Variants in OSBPL10 observed in about 807,000 individuals in gnomAD.
The protein encoded by OSBPL10 is oxysterol binding protein like 10, also known as oxysterol-binding protein-related protein 10.
A neutral mutation model predicts 81.7 loss-of-function variants in OSBPL10; 49 were observed. The observed-to-expected ratio is 0.60, with a 90% CI of 0.48 to 0.76. The LOEUF is 0.76. Ranked by LOEUF, OSBPL10 falls within the 30% of genes least tolerant of loss-of-function variation. OSBPL10 has a pLI of 0.00. For synonymous variants in OSBPL10, 419 were observed against 383.6 expected, an observed-to-expected ratio of 1.09 and a Z score of -1.08; for missense variants, 923 against 987.8, an observed-to-expected ratio of 0.93 and a Z score of 0.88.
rs1700725625 is a variant in OSBPL10, at chr3:31,683,950, G to C, written c.1410C>G (p.Arg470=). ...AGGGCTTCTTGGCTAAAGCGCCCTT[G>C]CGGCCCTCGTGAAAGGCTGTGAGAT... ...EYYLTAFHEG[R]KGALAKKPYN... is the part of the protein sequence containing the mutation. Residue 470 remains arginine, a synonymous_variant, in exon 8 of 12, where the codon CGC becomes CGG. Transcript: ENST00000396556. 6.2e-7 allele frequency: 1 copy of C among 1,614,132 alleles called. No individual in the cohort carries two copies.
chr3:31,870,533 C>T (rs532108717), intron 3 of OSBPL10, among the ~76,000 whole-genome samples: 37 of 152,388 alleles, frequency 2.4e-4, no homozygotes, highest in African/African-American at 8.7e-4. Flanking sequence ...GCAGCTCCAC[C>T]TGCAGCCCCG....
intron 4 of OSBPL10, among the ~76,000 whole-genome samples, chr3:31,752,810 C>A (rs1326652056): frequency 6.6e-6 from 1 of 152,190 alleles, no homozygotes; most frequent in Non-Finnish European, 1.5e-5. Flanking sequence ...CTGCAAAGTC[C>A]AATCCTGATG....
chr3:32,072,773 C>A (rs1419858619), intron 1 of OSBPL10, among the ~76,000 whole-genome samples: 1 of 152,152 alleles, frequency 6.6e-6, no homozygotes, highest in Non-Finnish European at 1.5e-5. Context: ...AACTAAAATA[C>A]CTCTTGGTCT....
At chr3:32,071,596 A>G (rs4955232) in intron 1 of OSBPL10, among the ~76,000 whole-genome samples, 124,762 of 150,370 alleles carry the variant, frequency 0.83, 53,220 homozygotes, top group East Asian at 1. Flanking sequence ...TCATGTCTCC[A>G]TGCGGCGGCT....
In OSBPL10 at chr3:31,683,670, T is replaced by A. The variant is rs780213223; in HGVS notation, c.1690A>T (p.Met564Leu). 4.2e-5 allele frequency: 67 copies of A among 1,613,730 alleles called. No homozygotes were observed. Among genetic ancestry groups the A allele is most frequent in the Non-Finnish European group, 5.3e-5 (63 of 1,179,758 alleles). Residue 564 changes from methionine (M) to leucine (L), a missense_variant, in exon 8 of 12, where the codon ATG (methionine) becomes TTG (leucine). Physicochemically the swap from Met to Leu is conservative, Grantham distance 15. This residue lies in a region of OSBPL10 where 387 missense variants were observed against 436.3 expected (regional missense o/e 0.89). Coordinates refer to ENST00000396556, the MANE Select transcript of OSBPL10 (RefSeq NM_017784.5). ...NTHVWTKSKF[M>L]GMSVGVSMIG... ...ATAGAGACCCCCACGGACATGCCCA[T>A]GAACTTGCTTTTGGTCCATACATGA...
At chr3:31,697,483 AATTAGTAATT>A (rs1695761394) in intron 7 of OSBPL10, among the ~76,000 whole-genome samples, 1 of 152,252 alleles carries the variant, frequency 6.6e-6, no homozygotes, top group South Asian at 2.1e-4. Flanking sequence ...AACAAATGGC[AATTAGTAATT>A]ATTATTCTAG....
At chr3:31,810,815 TC>T (rs1699661573) in intron 4 of OSBPL10, among the ~76,000 whole-genome samples, 1 of 152,190 alleles carries the variant, frequency 6.6e-6, no homozygotes, top group African/African-American at 2.4e-5. Flanking sequence ...AAACTGGCAC[TC>T]CCTAACATCA....
intron 6 of OSBPL10, among the ~76,000 whole-genome samples, chr3:31,713,688 C>T (rs1360662218): frequency 6.6e-6 from 1 of 152,162 alleles, no homozygotes; most frequent in Non-Finnish European, 1.5e-5. Flanking sequence ...TGAGCCACCG[C>T]ACCCAGCCTC....
rs114203737 is a variant in OSBPL10, at chr3:31,832,639, A to G, written c.538-2408T>C. On this transcript the variant is annotated intron_variant, in intron 3 of 11. Transcript: ENST00000396556. Reference sequence around the variant, plus strand: ...TATACAGAGACAGACGGAGGGAAACATACACAGATGCACACTTACAAGATG... The same window carrying G: ...TATACAGAGACAGACGGAGGGAAACGTACACAGATGCACACTTACAAGATG... Among the ~76,000 whole-genome samples the G allele has an allele frequency of 6.6e-3, 1,007 of 152,320 alleles. 12 individuals carry two copies. The highest frequency in any genetic ancestry group is 0.012 in the Admixed American group (188 of 15,296).
At chr3:31,788,460 G>C (rs1698916360) in intron 4 of OSBPL10, among the ~76,000 whole-genome samples, 1 of 152,096 alleles carries the variant, frequency 6.6e-6, no homozygotes, top group Non-Finnish European at 1.5e-5. Context: ...TCTTGATCTT[G>C]TTTTACAAAT....
At chr3:31,719,581 C>T (rs1352189627) in intron 6 of OSBPL10, among the ~76,000 whole-genome samples, 1 of 152,100 alleles carries the variant, frequency 6.6e-6, no homozygotes, top group Non-Finnish European at 1.5e-5. Context: ...TTAATGGTGA[C>T]AGACAGGATA....
At chr3:31,847,078 T>C (rs1303660588) in intron 3 of OSBPL10, among the ~76,000 whole-genome samples, 1 of 152,134 alleles carries the variant, frequency 6.6e-6, no homozygotes, top group East Asian at 1.9e-4. Flanking sequence ...GGGCTGTCAC[T>C]TCAAGGATCC....
chr3:32,050,064 A>G (rs929146745), intron 1 of OSBPL10, among the ~76,000 whole-genome samples: 1 of 152,344 alleles, frequency 6.6e-6, no homozygotes, highest in Non-Finnish European at 1.5e-5. Context: ...GTGTAACAGC[A>G]GCAAAAACTG....
chr3:31,781,841 T>C (rs1259172396), intron 4 of OSBPL10, among the ~76,000 whole-genome samples: 2 of 152,202 alleles, frequency 1.3e-5, no homozygotes, highest in Admixed American at 6.5e-5. Context: ...CCCATGTTCA[T>C]AGATGGATGG....
At chr3:32,037,764 A>C (rs1189271509) in intron 2 of OSBPL10, 2 of 155,554 alleles carry the variant, frequency 1.3e-5, no homozygotes, top group African/African-American at 4.8e-5. Context: ...TGAGGGGGGA[A>C]ATCTGACACT....
chr3:31,945,380 G>A (rs764855888), intron 1 of OSBPL10, among the ~76,000 whole-genome samples: 3 of 152,098 alleles, frequency 2.0e-5, no homozygotes, highest in Non-Finnish European at 4.4e-5. Flanking sequence ...TATCTGGACC[G>A]GAAGCCTCAA....
At chr3:31,859,306 C>T (rs138326486) in intron 3 of OSBPL10, among the ~76,000 whole-genome samples, 71 of 152,280 alleles carry the variant, frequency 4.7e-4, no homozygotes, top group African/African-American at 1.5e-3. Flanking sequence ...CTGGAGCTTC[C>T]GGATAGCTGA....
At position 31,812,081 on chromosome 3, in the gene OSBPL10, G is replaced by A. The variant is rs540479229; in HGVS notation, c.729+17959C>T. Among the ~76,000 whole-genome samples the A allele has an allele frequency of 1.6e-3, 248 of 152,304 alleles. 1 individual carries two copies. The highest frequency in any genetic ancestry group is 3.4e-3 in the Middle Eastern group (1 of 294). On this transcript the variant is annotated intron_variant, in intron 4 of 11. Coordinates refer to ENST00000396556, the MANE Select transcript of OSBPL10 (RefSeq NM_017784.5). ...TTGCTCTTGTTGCCCAGGCTGGAGT[G>A]CAGTGTCGCGATCTCGGCTCACTGC...
chr3:31,783,111 T>TTATATATATATATATA lies in OSBPL10; in HGVS notation c.730-35007_730-34992dup, dbSNP rs56846176. ...GGATATATCTATATCAATATATCTA[T>TTATATATATATATATA]TATATATATATATATATATATATAT... On this transcript the variant is annotated intron_variant, in intron 4 of 11. Coordinates refer to ENST00000396556, the MANE Select transcript of OSBPL10 (RefSeq NM_017784.5). Among the ~76,000 whole-genome samples, 48 of 121,636 alleles carry TTATATATATATATATA rather than the reference T, an allele frequency of 3.9e-4. 1 individual carries two copies. The highest frequency in any genetic ancestry group is 1.1e-3 in the African/African-American group (30 of 27,280). The allele number at this position is 121,636 out of a possible 152,430, so 79.8% of individuals were successfully genotyped here. A position where few individuals can be genotyped will look rare whatever the true frequency, so the allele number is the denominator to read the frequency against.
Sources: allele counts gnomAD v4.1 joint callset (sites outside exome capture counted in the v4.1 genomes callset), GRCh38; gene constraint gnomAD v4.1.1; regional missense constraint gnomAD v4.1.1; transcripts MANE v1.5; gene names NCBI Gene and HGNC (gene_info 2026-07-23, HGNC 2026-07-21).